The following MRPS35 variants were observed in gnomAD, a reference collection of about 807,000 sequenced individuals.
MRPS35 encodes mitochondrial ribosomal protein S35, also known as small ribosomal subunit protein mS35.
Under a neutral mutation model 32.7 loss-of-function variants are expected in MRPS35, and 29 were observed. That is an observed-to-expected ratio of 0.89 (90% CI 0.66 to 1.21). The LOEUF is 1.21. Ranked by LOEUF, MRPS35 falls within the 50% of genes most tolerant of loss-of-function variation. The pLI, the probability that MRPS35 is intolerant of heterozygous loss-of-function variation, is 0.00. For missense variants in MRPS35, 373 were observed against 383.8 expected (o/e 0.97, Z 0.23); for synonymous variants, 148 against 139.3 (o/e 1.06, Z -0.44).
chr12:27,719,301 T>A (rs138797870), intron 3 of MRPS35, among the ~76,000 whole-genome samples: 274 of 152,312 alleles, frequency 1.8e-3, no homozygotes, highest in Non-Finnish European at 3.0e-3. Context: ...TGTAAATTAC[T>A]TGGTGCTGAA....
intron 7 of MRPS35, among the ~76,000 whole-genome samples, chr12:27,741,517 C>T (rs1415980530): frequency 6.6e-6 from 1 of 151,874 alleles, no homozygotes; most frequent in African/African-American, 2.4e-5. Flanking sequence ...TTCATGGTTT[C>T]CCAATTTCTA....
chr12:27,746,259 G>A (rs114625593), intron 7 of MRPS35, among the ~76,000 whole-genome samples: 1,718 of 152,206 alleles, frequency 0.011, 31 homozygotes, highest in African/African-American at 0.037. Context: ...GACAGTTTTT[G>A]TACATGTAAG....
At chr12:27,751,129 A>G (rs1414430565) in intron 7 of MRPS35, among the ~76,000 whole-genome samples, 2 of 149,162 alleles carry the variant, frequency 1.3e-5, no homozygotes, top group East Asian at 2.0e-4. Context: ...AAAAAAAAGA[A>G]AAGAAAAGAA....
chr12:27,738,655 CAG>C (rs1386894458), intron 7 of MRPS35, among the ~76,000 whole-genome samples: 1 of 151,988 alleles, frequency 6.6e-6, no homozygotes, highest in African/African-American at 2.4e-5. Flanking sequence ...TTACCCAACA[CAG>C]GGGACTCAAT....
At chr12:27,742,235 T>A (rs1012835046) in intron 7 of MRPS35, among the ~76,000 whole-genome samples, 1 of 152,196 alleles carries the variant, frequency 6.6e-6, no homozygotes, top group Non-Finnish European at 1.5e-5. Context: ...GATTTATGAG[T>A]TCATTTTGAT....
intron 7 of MRPS35, among the ~76,000 whole-genome samples, chr12:27,746,044 A>C (rs2061981133): frequency 1.3e-5 from 2 of 152,178 alleles, no homozygotes. Context: ...ATGTGTCTTT[A>C]TAGCAGCATG....
intron 7 of MRPS35, among the ~76,000 whole-genome samples, chr12:27,743,198 A>G (rs925411285): frequency 1.3e-5 from 2 of 151,762 alleles, no homozygotes; most frequent in African/African-American, 4.8e-5. Context: ...AGAGTAAACC[A>G]TCCTGTGTCA....
chr12:27,744,625 G>GT, intron 7 of MRPS35, among the ~76,000 whole-genome samples: 1 of 152,210 alleles, frequency 6.6e-6, no homozygotes, highest in African/African-American at 2.4e-5. Context: ...AACATGAAGC[G>GT]TATGTTTTTA....
intron 7 of MRPS35, among the ~76,000 whole-genome samples, chr12:27,741,373 A>G (rs1249796256): frequency 1.3e-5 from 2 of 152,090 alleles, no homozygotes; most frequent in South Asian, 4.1e-4. Flanking sequence ...GTTTTTTCCT[A>G]AGGATTTTTG....
chr12:27,742,825 T>TTG (rs919015587), intron 7 of MRPS35, among the ~76,000 whole-genome samples: 3 of 152,040 alleles, frequency 2.0e-5, no homozygotes, highest in Admixed American at 1.3e-4. Flanking sequence ...TTTTGGGGGC[T>TTG]TGTGTGTGTG....
At chr12:27,741,039 G>A (rs61915368) in intron 7 of MRPS35, among the ~76,000 whole-genome samples, 6,870 of 152,030 alleles carry the variant, frequency 0.045, 225 homozygotes, top group Non-Finnish European at 0.072. Context: ...ATGGTGGTGG[G>A]TGCCTGTAGT....
At chr12:27,754,185 C>T (rs1245681661) in intron 7 of MRPS35, among the ~76,000 whole-genome samples, 3 of 151,750 alleles carry the variant, frequency 2.0e-5, no homozygotes, top group Non-Finnish European at 4.4e-5. Context: ...ATCCAGGAGG[C>T]AGAGATTGCA....
At chr12:27,723,862 A>G (rs570242914) in intron 4 of MRPS35, among the ~76,000 whole-genome samples, 185 bp from the exon 5 acceptor site, 19 of 152,314 alleles carry the variant, frequency 1.2e-4, no homozygotes, top group Non-Finnish European at 1.9e-4. Context: ...TAAATTGCCT[A>G]ATTTAGGATG....
intron 7 of MRPS35, among the ~76,000 whole-genome samples, chr12:27,739,902 C>G (rs1173018558): frequency 6.6e-6 from 1 of 152,196 alleles, no homozygotes; most frequent in Non-Finnish European, 1.5e-5. Context: ...ATTCTGGATT[C>G]ACACAGAAGC....
At chr12:27,723,596 A>G (rs1196366260) in intron 4 of MRPS35, among the ~76,000 whole-genome samples, 1 of 151,608 alleles carries the variant, frequency 6.6e-6, no homozygotes, top group Admixed American at 6.5e-5. Flanking sequence ...GTTTCTTCTT[A>G]GGGCTTTTTG....
intron 7 of MRPS35, 86 bp from the exon 8 acceptor site, chr12:27,755,095 A>G (rs2062020936): frequency 4.2e-6 from 6 of 1,422,096 alleles, no homozygotes; most frequent in Non-Finnish European, 5.6e-6. Context: ...GGAAAAAAAA[A>G]AAGAAGAAAG....
At chr12:27,752,069 T>C (rs2062006535) in intron 7 of MRPS35, among the ~76,000 whole-genome samples, 1 of 132,274 alleles carries the variant, frequency 7.6e-6, no homozygotes, top group Non-Finnish European at 1.6e-5. Context: ...AGCAAGACCC[T>C]GTCTCTACAA....
At chr12:27,738,896 CTT>C (rs1418881107) in intron 7 of MRPS35, among the ~76,000 whole-genome samples, 1 of 150,120 alleles carries the variant, frequency 6.7e-6, no homozygotes, top group Admixed American at 6.7e-5. Context: ...CAGAGACAGA[CTT>C]TGGTTTACTG....
intron 4 of MRPS35, among the ~76,000 whole-genome samples, chr12:27,723,642 C>A (rs2061886344): frequency 6.6e-6 from 1 of 152,104 alleles, no homozygotes; most frequent in South Asian, 2.1e-4. Context: ...TCTTTAGTAA[C>A]CTTTAGTAAT....
Sources: gnomAD v4.1 joint callset for allele counts (sites outside exome capture counted in the v4.1 genomes callset) on GRCh38, gnomAD v4.1.1 for gene constraint, MANE v1.5 for transcripts, NCBI Gene and HGNC (gene_info 2026-07-23, HGNC 2026-07-21) for gene names.